Variants in FSTL5 observed in about 807,000 individuals in gnomAD.
FSTL5 encodes follistatin-related protein 5.
Under a neutral mutation model 89.1 loss-of-function variants are expected in FSTL5, and 62 were observed. That is an observed-to-expected ratio of 0.70 (90% CI 0.57 to 0.86). FSTL5 has a LOEUF of 0.86. Ranked by LOEUF, FSTL5 falls within the 40% of genes least tolerant of loss-of-function variation. The pLI is 0.00. For missense variants in FSTL5, 1,057 were observed against 1,001.6 expected, an observed-to-expected ratio of 1.06 and a Z score of -0.75; for synonymous variants, 383 against 346.2, an observed-to-expected ratio of 1.11 and a Z score of -1.18.
chr4:161,668,473 C>T (rs1454158684), intron 6 of FSTL5, among the ~76,000 whole-genome samples: 1 of 152,180 alleles, frequency 6.6e-6, no homozygotes, highest in Non-Finnish European at 1.5e-5. Context: ...CCTACAATCT[C>T]TTTCACAAGA....
intron 4 of FSTL5, among the ~76,000 whole-genome samples, chr4:161,854,744 A>G (rs1049148050): frequency 6.6e-6 from 1 of 151,970 alleles, no homozygotes; most frequent in African/African-American, 2.4e-5. Flanking sequence ...TAAGGGATGA[A>G]CTCTATAAAC....
intron 3 of FSTL5, among the ~76,000 whole-genome samples, chr4:161,926,400 TTTTTTTG>T: frequency 3.3e-5 from 1 of 30,604 alleles, no homozygotes. Context: ...GAAGGTTTTT[TTTTTTTG>T]TTTTGTTTTT....
rs1448988033 is a variant in FSTL5 at position 161,476,190 on chromosome 4, T to TG, written c.1608+4829_1608+4830insC. Among the ~76,000 whole-genome samples, 10 of 61,146 alleles carry TG rather than the reference T, an allele frequency of 1.6e-4. 1 individual carries two copies. In the East Asian group the frequency reaches 2.9e-3, roughly 18 times the overall value. 40.1% of individuals were successfully genotyped at this position (61,146 alleles called of 152,430 possible). ...GTTTGCTGGTTTTTTTTTTTTTTTG[T>TG]TTGTTTGTTTTTTTGAGAAAGAGTT... On this transcript the variant is annotated intron_variant, in intron 13 of 15. Transcript: ENST00000306100.
chr4:161,989,760 G>A (rs900273436), intron 3 of FSTL5, among the ~76,000 whole-genome samples: 3 of 152,070 alleles, frequency 2.0e-5, no homozygotes, highest in African/African-American at 7.2e-5. Context: ...AGGAATTAGG[G>A]AATATTTTTC....
intron 5 of FSTL5, among the ~76,000 whole-genome samples, chr4:161,775,026 G>A (rs890741317): frequency 1.3e-5 from 2 of 152,060 alleles, no homozygotes; most frequent in Admixed American, 6.6e-5. Flanking sequence ...TTGAGATAAA[G>A]TTTTTAAATT....
chr4:161,743,087 T>G, intron 6 of FSTL5, among the ~76,000 whole-genome samples: 1 of 152,282 alleles, frequency 6.6e-6, no homozygotes, highest in Non-Finnish European at 1.5e-5. Context: ...TGTATCTATA[T>G]TTTATTTTTT....
intron 15 of FSTL5, among the ~76,000 whole-genome samples, chr4:161,453,676 C>A (rs1733249936): frequency 6.6e-6 from 1 of 152,110 alleles, no homozygotes; most frequent in Non-Finnish European, 1.5e-5. Context: ...CTCACTGCAA[C>A]CTCCACCTCT....
intron 7 of FSTL5, among the ~76,000 whole-genome samples, chr4:161,602,242 A>C (rs560149631): frequency 7.3e-6 from 1 of 136,374 alleles, no homozygotes; most frequent in East Asian, 2.2e-4. Context: ...AGAGTGAGAG[A>C]GAGGGAGAGA....
intron 4 of FSTL5, among the ~76,000 whole-genome samples, chr4:161,850,695 G>A (rs148107104): frequency 6.6e-6 from 1 of 152,246 alleles, no homozygotes; most frequent in Non-Finnish European, 1.5e-5. Flanking sequence ...CCATTAACCT[G>A]CAGATCTTCA....
At chr4:161,584,603 G>A (rs2126603810) in intron 8 of FSTL5, among the ~76,000 whole-genome samples, 1 of 152,272 alleles carries the variant, frequency 6.6e-6, no homozygotes, top group South Asian at 2.1e-4. Flanking sequence ...CTTTAAAAGA[G>A]TTAATGATAG....
At chr4:161,664,537 G>T (rs1326338802) in intron 6 of FSTL5, among the ~76,000 whole-genome samples, 2 of 152,090 alleles carry the variant, frequency 1.3e-5, no homozygotes, top group South Asian at 4.1e-4. Flanking sequence ...ACCTCAGCCT[G>T]GACGTTATTG....
chr4:161,641,590 C>G (rs1157947837), intron 7 of FSTL5, among the ~76,000 whole-genome samples: 2 of 150,900 alleles, frequency 1.3e-5, no homozygotes, highest in Non-Finnish European at 2.9e-5. Context: ...CTCCCGGGTT[C>G]AAGCGATTCT....
At chr4:161,451,928 A>C (rs901909270) in intron 15 of FSTL5, among the ~76,000 whole-genome samples, 5 of 152,194 alleles carry the variant, frequency 3.3e-5, no homozygotes, top group Non-Finnish European at 5.9e-5. Flanking sequence ...CGTGTCAAGA[A>C]GCTTTTCAGA....
At chr4:161,754,902 T>C (rs1740520506) in intron 6 of FSTL5, among the ~76,000 whole-genome samples, 1 of 152,108 alleles carries the variant, frequency 6.6e-6, no homozygotes, top group Admixed American at 6.5e-5. Context: ...TGGAAGACAA[T>C]GAAATATTTA....
chr4:161,691,643 A>G lies in FSTL5; in HGVS notation c.728-35149T>C, dbSNP rs578025369. On this transcript the variant is annotated intron_variant, in intron 6 of 15. Coordinates refer to ENST00000306100, the MANE Select transcript of FSTL5 (RefSeq NM_020116.5). ...ATCTTAACAATATTGAAGTCTTCCA[A>G]TTTATAAACAGTGGATGTCGTTTCC... Among the ~76,000 whole-genome samples the G allele has an allele frequency of 1.1e-3, 164 of 152,266 alleles. 1 individual carries two copies. The highest frequency in any genetic ancestry group is 3.7e-3 in the African/African-American group (155 of 41,570).
chr4:161,566,109 T>C (rs1381706536), intron 8 of FSTL5, among the ~76,000 whole-genome samples: 4 of 43,130 alleles, frequency 9.3e-5, no homozygotes, highest in African/African-American at 4.4e-4. Context: ...ACTATATATA[T>C]ATATATATAT....
intron 4 of FSTL5, among the ~76,000 whole-genome samples, chr4:161,853,673 A>T (rs1004176418): frequency 6.6e-6 from 1 of 152,104 alleles, no homozygotes; most frequent in African/African-American, 2.4e-5. Flanking sequence ...ACACTATAAT[A>T]GTTTGATATT....
intron 7 of FSTL5, among the ~76,000 whole-genome samples, chr4:161,604,493 T>A (rs1382889941): frequency 2.0e-5 from 3 of 152,108 alleles, no homozygotes; most frequent in Non-Finnish European, 4.4e-5. Context: ...ATAACAGATA[T>A]ACAGCAAACC....
At chr4:161,704,499 G>A (rs537238674) in intron 6 of FSTL5, among the ~76,000 whole-genome samples, 1 of 152,140 alleles carries the variant, frequency 6.6e-6, no homozygotes, top group Admixed American at 6.6e-5. Flanking sequence ...CTATGAGAAC[G>A]TTAATTTCTT....
Sources: gnomAD v4.1 joint callset for allele counts (sites outside exome capture counted in the v4.1 genomes callset) on GRCh38, gnomAD v4.1.1 for gene constraint, MANE v1.5 for transcripts, NCBI Gene and HGNC (gene_info 2026-07-23, HGNC 2026-07-21) for gene names.